The following MDGA2 variants were observed in gnomAD, a reference collection of about 807,000 sequenced individuals.
MDGA2 encodes the protein MAM domain-containing glycosylphosphatidylinositol anchor protein 2.
A neutral mutation model predicts 117.8 loss-of-function variants in MDGA2; 40 were observed. That is an observed-to-expected ratio of 0.34 (90% CI 0.26 to 0.44). MDGA2 has a LOEUF of 0.44. Among genes scored for constraint, MDGA2 ranks in the 20% least tolerant of loss-of-function variants. MDGA2 has a pLI of 1.00. For synonymous variants in MDGA2, 452 were observed against 439.0 expected (o/e 1.03, Z -0.37); for missense variants, 1,123 against 1,250.6 (o/e 0.90, Z 1.54).
intron 2 of MDGA2, among the ~76,000 whole-genome samples, chr14:47,284,342 T>C (rs1184563870): frequency 1.3e-5 from 2 of 152,130 alleles, no homozygotes. Flanking sequence ...AAAGAAAGAA[T>C]GTGTCAATCA....
At chr14:46,896,224 T>G (rs1171227060) in intron 10 of MDGA2, among the ~76,000 whole-genome samples, 1 of 152,158 alleles carries the variant, frequency 6.6e-6, no homozygotes. Context: ...AACATACTGA[T>G]GTACCATAGC....
chr14:46,981,007 C>T (rs1408081416), intron 8 of MDGA2, among the ~76,000 whole-genome samples: 1 of 152,124 alleles, frequency 6.6e-6, no homozygotes, highest in Non-Finnish European at 1.5e-5. Flanking sequence ...TTTTGACCAT[C>T]TTTGACTTTA....
At chr14:46,978,566 A>G (rs1444507087) in intron 8 of MDGA2, among the ~76,000 whole-genome samples, 4 of 152,074 alleles carry the variant, frequency 2.6e-5, no homozygotes, top group African/African-American at 9.7e-5. Flanking sequence ...GTACTGAGAG[A>G]AGAAGCAATG....
chr14:47,464,824 G>A (rs954974601), intron 1 of MDGA2, among the ~76,000 whole-genome samples: 6 of 151,884 alleles, frequency 4.0e-5, no homozygotes, highest in African/African-American at 1.2e-4. Flanking sequence ...CTAGAAAAAC[G>A]ATTTTAAAAC....
chr14:46,844,975 G>A (rs944722107), intron 16 of MDGA2, among the ~76,000 whole-genome samples: 30 of 152,230 alleles, frequency 2.0e-4, no homozygotes, highest in Non-Finnish European at 8.8e-5. Flanking sequence ...TCCGCCTCCC[G>A]CGTTCACGCC....
chr14:47,156,407 T>G (rs1209259984), intron 3 of MDGA2, among the ~76,000 whole-genome samples: 1 of 152,164 alleles, frequency 6.6e-6, no homozygotes, highest in Non-Finnish European at 1.5e-5. Flanking sequence ...TTCACTAAAT[T>G]ATGGAAGCAT....
intron 1 of MDGA2, among the ~76,000 whole-genome samples, chr14:47,656,410 T>A (rs571537791): frequency 6.6e-6 from 1 of 152,230 alleles, no homozygotes; most frequent in East Asian, 1.9e-4. Flanking sequence ...ACCAAAAAGG[T>A]ACTGCACCTG....
chr14:47,216,136 A>G (rs976735528), intron 3 of MDGA2, among the ~76,000 whole-genome samples: 1 of 152,098 alleles, frequency 6.6e-6, no homozygotes, highest in African/African-American at 2.4e-5. Flanking sequence ...GAGAAGGGAT[A>G]CTGCAGACTA....
At chr14:47,568,912 A>C (rs1040424747) in intron 1 of MDGA2, among the ~76,000 whole-genome samples, 2 of 151,554 alleles carry the variant, frequency 1.3e-5, no homozygotes, top group African/African-American at 4.8e-5. Context: ...TTGGTAGGGT[A>C]ATTTCTTCCC....
At chr14:47,351,317 A>G (rs994997595) in intron 1 of MDGA2, among the ~76,000 whole-genome samples, 3 of 152,142 alleles carry the variant, frequency 2.0e-5, no homozygotes, top group African/African-American at 7.2e-5. Flanking sequence ...CCTGACCTCA[A>G]GTGATCTGCC....
At chr14:46,918,202 A>G (rs1205368500) in intron 10 of MDGA2, among the ~76,000 whole-genome samples, 3 of 152,222 alleles carry the variant, frequency 2.0e-5, no homozygotes, top group South Asian at 2.1e-4. Flanking sequence ...AAATAGCACA[A>G]TAATTACCTA....
intron 2 of MDGA2, among the ~76,000 whole-genome samples, chr14:47,268,237 T>C (rs529407029): frequency 1.3e-5 from 2 of 152,104 alleles, no homozygotes; most frequent in South Asian, 4.2e-4. Context: ...TGCACCTGGC[T>C]AATTTTTTTG....
chr14:47,035,389 T>G, intron 7 of MDGA2, 85 bp from the exon 8 acceptor site: 1 of 1,080,584 alleles, frequency 9.3e-7, no homozygotes, highest in Non-Finnish European at 1.3e-6. Context: ...AGGAAACAAT[T>G]TCTGCTGGCT....
At chr14:46,858,676 C>T (rs1219780737) in intron 14 of MDGA2, among the ~76,000 whole-genome samples, 4 of 152,072 alleles carry the variant, frequency 2.6e-5, no homozygotes, top group Non-Finnish European at 5.9e-5. Flanking sequence ...ATCCACCAGC[C>T]TTGGCCTCTC....
At chr14:47,380,904 C>CA (rs1185249186) in intron 1 of MDGA2, among the ~76,000 whole-genome samples, 28 of 151,800 alleles carry the variant, frequency 1.8e-4, no homozygotes, top group African/African-American at 6.0e-4. Context: ...CAGAGACACA[C>CA]AAAAAAAGAG....
intron 1 of MDGA2, among the ~76,000 whole-genome samples, chr14:47,595,535 A>G (rs1206147749): frequency 8.0e-6 from 1 of 125,014 alleles, no homozygotes; most frequent in Admixed American, 7.5e-5. Context: ...TCCTTCTAAA[A>G]AAACCAAAAA....
At chr14:46,853,433 T>C (rs768972712) in intron 15 of MDGA2, among the ~76,000 whole-genome samples, 1 of 151,680 alleles carries the variant, frequency 6.6e-6, no homozygotes, top group Non-Finnish European at 1.5e-5. Flanking sequence ...AAAGCACATA[T>C]AGAAGGAAGA....
chr14:47,158,368 G>GTT (rs1883492367), intron 3 of MDGA2, among the ~76,000 whole-genome samples: 1 of 136,280 alleles, frequency 7.3e-6, no homozygotes, highest in South Asian at 2.2e-4. Flanking sequence ...GGGTGGGTGT[G>GTT]TGTGTGTGTG....
At chr14:47,097,750 C>A (rs1880061583) in intron 5 of MDGA2, among the ~76,000 whole-genome samples, 1 of 151,976 alleles carries the variant, frequency 6.6e-6, no homozygotes, top group South Asian at 2.1e-4. Flanking sequence ...GAGCTCCTAT[C>A]AACACAGCTT....
Sources: allele counts gnomAD v4.1 joint callset (sites outside exome capture counted in the v4.1 genomes callset), GRCh38; gene constraint gnomAD v4.1.1; transcripts MANE v1.5; gene names NCBI Gene and HGNC (gene_info 2026-07-23, HGNC 2026-07-21).